Variants in CACNA1C observed in about 807,000 individuals in gnomAD.
The protein encoded by CACNA1C is voltage-dependent L-type calcium channel subunit alpha-1C.
A neutral mutation model predicts 229.0 loss-of-function variants in CACNA1C; 30 were observed. That is an observed-to-expected ratio of 0.13 (90% CI 0.10 to 0.18). The LOEUF (loss-of-function observed/expected upper bound fraction) is 0.18, where lower values mean the gene tolerates loss of function less well. Among genes scored for constraint, CACNA1C ranks in the 10% least tolerant of loss-of-function variants. CACNA1C has a pLI of 1.00. For synonymous variants in CACNA1C, 1,114 were observed against 1,132.5 expected, an observed-to-expected ratio of 0.98 and a Z score of 0.33; for missense variants, 1,658 against 2,845.0, an observed-to-expected ratio of 0.58 and a Z score of 9.49.
intron 20 of CACNA1C, 129 bp downstream of exon 20, chr12:2,596,132 A>C: frequency 1.1e-6 from 1 of 920,484 alleles, no homozygotes; most frequent in Non-Finnish European, 1.6e-6. Context: ...CACAACTAAC[A>C]TTTCATTAAG....
At chr12:2,301,283 C>T (rs1228773812) in intron 3 of CACNA1C, among the ~76,000 whole-genome samples, 1 of 152,188 alleles carries the variant, frequency 6.6e-6, no homozygotes, top group Non-Finnish European at 1.5e-5. Context: ...TCCCAGAAGT[C>T]AGCTCCGTAT....
chr12:2,635,968 C>A (rs955729368), intron 30 of CACNA1C, among the ~76,000 whole-genome samples: 4 of 152,232 alleles, frequency 2.6e-5, no homozygotes, highest in Non-Finnish European at 5.9e-5. Context: ...CTCTGAGACT[C>A]CTCTCCCCTT....
chr12:2,210,793 C>T (rs1230946149), intron 3 of CACNA1C, among the ~76,000 whole-genome samples: 1 of 152,086 alleles, frequency 6.6e-6, no homozygotes, highest in Non-Finnish European at 1.5e-5. Context: ...GATCATCTGC[C>T]AGGACCCCAG....
At chr12:2,060,432 G>A (rs571139218) in intron 1 of CACNA1C, among the ~76,000 whole-genome samples, 136 of 152,352 alleles carry the variant, frequency 8.9e-4, no homozygotes, top group African/African-American at 3.2e-3. Flanking sequence ...ACTCCCAGGA[G>A]ACATTCCCAG....
rs770307818 is a variant in CACNA1C at position 2,512,498 on chromosome 12, T to C, written c.1218-314T>C. Among the ~76,000 whole-genome samples, 1 of 152,086 alleles carries C rather than the reference T, an allele frequency of 6.6e-6. No individual in the cohort carries two copies. Among genetic ancestry groups the C allele is most frequent in the African/African-American group, 2.4e-5 (1 of 41,412 alleles). On this transcript the variant is annotated intron_variant, in intron 8 of 46. Transcript: ENST00000399655. The surrounding 1 kb of genome is among the most constrained non-coding windows in gnomAD (Gnocchi z 4.3). Reference sequence around the variant, plus strand: ...TTCCCAGGTCTTCGGAGAACAGTTATTAAAAAGCAAAGCCTGTGATCATGA... The same window carrying C: ...TTCCCAGGTCTTCGGAGAACAGTTACTAAAAAGCAAAGCCTGTGATCATGA...
At chr12:2,509,704 A>G (rs975953694) in intron 8 of CACNA1C, among the ~76,000 whole-genome samples, 3 of 152,088 alleles carry the variant, frequency 2.0e-5, no homozygotes, top group Non-Finnish European at 4.4e-5. Flanking sequence ...TAAACAGCAA[A>G]ATCACCAACA....
rs145085493 is a variant in CACNA1C, at chr12:2,444,998, C to G, written c.478-3978C>G. On this transcript the variant is annotated intron_variant, in intron 3 of 46. Transcript: ENST00000399655. Reference sequence around the variant, plus strand: ...GAATCCAAGCATCCAGGCATAGCCACAAAGTTCCTGGTCATCTTGCTCCTG... The same window carrying G: ...GAATCCAAGCATCCAGGCATAGCCAGAAAGTTCCTGGTCATCTTGCTCCTG... 7.9e-3 allele frequency among the ~76,000 whole-genome samples: 1,197 copies of G among 152,306 alleles called. 19 individuals carry two copies. The highest frequency in any genetic ancestry group is 0.027 in the African/African-American group (1,129 of 41,556).
At position 2,410,342 on chromosome 12, in the gene CACNA1C, G is replaced by A. The variant is rs1595542578; in HGVS notation, c.478-38634G>A. ...CCATTCACAGCAGAAAAGGGCACAA[G>A]GCCCTTCGTGTCCCACCACCTCCCT... is the stretch of plus-strand genomic sequence containing the variant. On this transcript the variant is annotated intron_variant, in intron 3 of 46. Transcript: ENST00000399655. The surrounding 1 kb of genome is among the most constrained non-coding windows in gnomAD (Gnocchi z 5.3). Among the ~76,000 whole-genome samples, 4 of 152,264 alleles carry A rather than the reference G, an allele frequency of 2.6e-5. No homozygotes were observed. In the East Asian group the frequency reaches 5.8e-4, roughly 22 times the overall value.
chr12:2,061,366 A>G lies in CACNA1C; in HGVS notation c.49+7755A>G, dbSNP rs140195377. On this transcript the variant is annotated intron_variant, in intron 1 of 46. Coordinates refer to ENST00000399655, the MANE Select transcript of CACNA1C (RefSeq NM_000719.7). Reference sequence around the variant, plus strand: ...GTTGTGGGAGGGCTGACATTATTCAATATTTTAAAGGTGAAAATGTAAAAC... The same window carrying G: ...GTTGTGGGAGGGCTGACATTATTCAGTATTTTAAAGGTGAAAATGTAAAAC... Among the ~76,000 whole-genome samples the G allele has an allele frequency of 3.4e-3, 516 of 152,318 alleles. 3 individuals are homozygous for G. Among genetic ancestry groups the G allele is most frequent in the African/African-American group, 0.012 (479 of 41,560 alleles).
At chr12:2,661,314 CAA>C (rs1491095467) in intron 34 of CACNA1C, among the ~76,000 whole-genome samples, 9 of 143,828 alleles carry the variant, frequency 6.3e-5, no homozygotes, top group East Asian at 4.2e-4. Flanking sequence ...CACACACACA[CAA>C]GATTTTTCTA....
chr12:2,610,256 C>T (rs1006741554), intron 27 of CACNA1C, among the ~76,000 whole-genome samples: 1 of 152,180 alleles, frequency 6.6e-6, no homozygotes, highest in African/African-American at 2.4e-5. Flanking sequence ...CAGGCATCAC[C>T]AGGGTGAGGA....
Position 2,275,542 on chromosome 12 carries a change from A to C in CACNA1C, c.477+155112A>C, listed in dbSNP as rs1601765667. 6.7e-6 allele frequency among the ~76,000 whole-genome samples: 1 copy of C among 148,868 alleles called. No homozygotes were observed. Among genetic ancestry groups the C allele is most frequent in the Non-Finnish European group, 1.5e-5 (1 of 67,178 alleles). On this transcript the variant is annotated intron_variant, in intron 3 of 46. Transcript: ENST00000399655. The surrounding 1 kb of genome is among the most constrained non-coding windows in gnomAD (Gnocchi z 4.1). The stretch of plus-strand genomic sequence containing the variant: ...CAGCTCGCAACCCCCACGCAGCCCC[A>C]CCCTTGACCTGCCACCTCCATCTGC...
chr12:2,477,230 TG>T (rs1340438412), intron 5 of CACNA1C, among the ~76,000 whole-genome samples: 1 of 152,208 alleles, frequency 6.6e-6, no homozygotes, highest in Non-Finnish European at 1.5e-5. Context: ...ATGATGACAG[TG>T]GTGATTGTCA....
intron 6 of CACNA1C, among the ~76,000 whole-genome samples, chr12:2,492,365 C>T (rs190075533): frequency 3.9e-4 from 60 of 152,328 alleles, no homozygotes; most frequent in African/African-American, 1.3e-3. Flanking sequence ...CCCGTCCGTA[C>T]TGAGGAAGCA....
At chr12:2,465,411 G>A (rs1040578936) in intron 5 of CACNA1C, among the ~76,000 whole-genome samples, 17 of 152,138 alleles carry the variant, frequency 1.1e-4, no homozygotes, top group East Asian at 1.9e-4. Flanking sequence ...AGGACATACC[G>A]GAGATAAGCC....
chr12:2,674,603 A>G lies in CACNA1C; in HGVS notation c.4789A>G (p.Ser1597Gly). The G allele has an allele frequency of 6.3e-7, 1 of 1,576,646 alleles. No individual in the cohort carries two copies. Among genetic ancestry groups the G allele is most frequent in the Admixed American group, 1.8e-5 (1 of 54,538 alleles). The change falls in exon 39 of 47, where the codon AGC becomes GGC. Residue 1597 changes from serine to glycine, a missense_variant. Around this residue, in one of 20 missense-constraint regions of CACNA1C, gnomAD observed 151 missense variants for 344.4 expected, o/e 0.44. Transcript: ENST00000399655. ...CATCAAGAAGATCTGGAAGCGGACCAGCATGAAGCTGCTGGACCAGGTGGT... is the reference window on the plus strand; with the variant it reads ...CATCAAGAAGATCTGGAAGCGGACCGGCATGAAGCTGCTGGACCAGGTGGT... ...AIIKKIWKRTSMKLLDQVVPP... is the reference protein window; with the variant it reads ...AIIKKIWKRTGMKLLDQVVPP...
At chr12:2,684,049 G>A (rs1403650920) in intron 43 of CACNA1C, among the ~76,000 whole-genome samples, 22 of 152,178 alleles carry the variant, frequency 1.4e-4, no homozygotes, top group Admixed American at 1.3e-3. Context: ...GGTGTGGCTG[G>A]AGGTGGTGGG....
At chr12:2,042,742 C>A (rs1443217974) in intron 1 of CACNA1C, among the ~76,000 whole-genome samples, 1 of 152,158 alleles carries the variant, frequency 6.6e-6, no homozygotes, top group Non-Finnish European at 1.5e-5. Flanking sequence ...CCGGGTTGTC[C>A]TCCGGTGAAC....
rs191831561 is a variant in CACNA1C, at chr12:2,068,927, A to G, written c.49+15316A>G. On this transcript the variant is annotated intron_variant, in intron 1 of 46. Coordinates refer to ENST00000399655, the MANE Select transcript of CACNA1C (RefSeq NM_000719.7). ...GAATGCAATGTTTTCCTCTGAGGGTATCAGTTGGGGAATGAACTCAGAGTC... is the reference window on the plus strand; with the variant it reads ...GAATGCAATGTTTTCCTCTGAGGGTGTCAGTTGGGGAATGAACTCAGAGTC... 3.0e-4 allele frequency among the ~76,000 whole-genome samples: 45 copies of G among 152,356 alleles called. 1 individual carries two copies. The East Asian group carries it at 5.0e-3, about 17-fold the overall frequency.
Sources: allele counts gnomAD v4.1 joint callset (sites outside exome capture counted in the v4.1 genomes callset), GRCh38; gene constraint gnomAD v4.1.1; regional missense constraint gnomAD v4.1.1; non-coding constraint Gnocchi (gnomAD v3.1); transcripts MANE v1.5; gene names NCBI Gene and HGNC (gene_info 2026-07-23, HGNC 2026-07-21).